Variants in LMAN1 observed in about 807,000 individuals in gnomAD.
LMAN1 encodes the protein lectin, mannose binding 1, also known as protein ERGIC-53.
A neutral mutation model predicts 67.8 loss-of-function variants in LMAN1; 32 were observed. The ratio of observed to expected loss-of-function variants is 0.47; its 90% CI spans 0.36 to 0.63. The LOEUF is 0.63. Among genes scored for constraint, LMAN1 ranks in the 30% least tolerant of loss-of-function variants. The probability of loss-of-function intolerance (pLI) is 0.00; values close to 1 mark genes in which losing one functional copy is unlikely to be tolerated. For synonymous variants in LMAN1, 235 were observed against 219.3 expected (o/e 1.07, Z -0.63); for missense variants, 632 against 628.2 (o/e 1.01, Z -0.06).
At chr18:59,345,289 A>G (rs1908374271) in intron 8 of LMAN1, among the ~76,000 whole-genome samples, 1 of 152,204 alleles carries the variant, frequency 6.6e-6, no homozygotes, top group Non-Finnish European at 1.5e-5. Context: ...AGCAGATAAT[A>G]TAAATTCCCT....
intron 6 of LMAN1, among the ~76,000 whole-genome samples, chr18:59,348,243 G>T (rs748226290): frequency 6.6e-6 from 1 of 152,176 alleles, no homozygotes. Context: ...AATATCAATC[G>T]TACAGCAATC....
intron 8 of LMAN1, among the ~76,000 whole-genome samples, chr18:59,342,351 A>T (rs1908307140): frequency 6.6e-6 from 1 of 152,058 alleles, no homozygotes; most frequent in African/African-American, 2.4e-5. Context: ...CCAAAACCAG[A>T]CAAGGACACA....
rs370100497 is a variant in LMAN1 at position 59,355,430 on chromosome 18, T to C, written c.370-10A>G. 32 of 1,613,868 alleles carry C rather than the reference T, an allele frequency of 2.0e-5. No homozygotes were observed. The highest frequency in any genetic ancestry group is 4.5e-5 in the East Asian group (2 of 44,896). ...CTGCATACCAAATTGCCTGAAAATA[T>C]GTAATAGGGAACAGTTAGAGGCTAG... On this transcript the variant is annotated splice_polypyrimidine_tract_variant and intron_variant, in intron 2 of 12. Coordinates refer to ENST00000251047, the MANE Select transcript of LMAN1 (RefSeq NM_005570.4).
At chr18:59,353,944 T>C (rs368273642) in intron 4 of LMAN1, among the ~76,000 whole-genome samples, 1 of 152,200 alleles carries the variant, frequency 6.6e-6, no homozygotes, top group Admixed American at 6.5e-5. Context: ...GCTTTGTAAA[T>C]AGTTGTTACA....
chr18:59,336,437 A>G (rs914902994), intron 10 of LMAN1, among the ~76,000 whole-genome samples: 1 of 152,220 alleles, frequency 6.6e-6, no homozygotes, highest in African/African-American at 2.4e-5. Context: ...AGCAAAATAA[A>G]TAAGGAGAGT....
rs369383446 is a variant in LMAN1, at chr18:59,355,475, C to T, written c.369+29G>A. On this transcript the variant is annotated intron_variant, in intron 2 of 12. Coordinates refer to ENST00000251047, the MANE Select transcript of LMAN1 (RefSeq NM_005570.4). The stretch of plus-strand genomic sequence containing the variant: ...GGCTAGTGGTATATGCATTTATGCA[C>T]ATTTTCTAAGTTAAAGAAATGATCA... The T allele has an allele frequency of 2.1e-5, 34 of 1,613,882 alleles. No individual in the cohort carries two copies. In the African/African-American group the frequency reaches 4.1e-4, roughly 20 times the overall value.
At chr18:59,346,282 G>A (rs537155938) in intron 7 of LMAN1, among the ~76,000 whole-genome samples, 3 of 134,044 alleles carry the variant, frequency 2.2e-5, no homozygotes, top group East Asian at 2.2e-4. Flanking sequence ...GTGCAGTAGC[G>A]TGATCTCGGC....
intron 8 of LMAN1, among the ~76,000 whole-genome samples, chr18:59,345,184 C>G (rs1407283525): frequency 1.3e-5 from 2 of 152,174 alleles, no homozygotes; most frequent in African/African-American, 4.8e-5. Context: ...ATTAAGAGAA[C>G]TGCATACTAC....
chr18:59,354,842 A>G (rs985067522), intron 3 of LMAN1, among the ~76,000 whole-genome samples: 1 of 152,230 alleles, frequency 6.6e-6, no homozygotes, highest in Non-Finnish European at 1.5e-5. Context: ...CCAATTTGTA[A>G]GTACATTTTG....
chr18:59,332,647 T>C lies in LMAN1; in HGVS notation c.1374+444A>G, dbSNP rs370101981. 9.8e-5 allele frequency among the ~76,000 whole-genome samples: 15 copies of C among 152,318 alleles called. 1 individual carries two copies. The highest frequency in any genetic ancestry group is 3.4e-4 in the African/African-American group (14 of 41,578). ...ATATGGGCCAACCATATCCCAAATATGTCTTATAGAAGACAACCAGCAGAG... is the reference window on the plus strand; with the variant it reads ...ATATGGGCCAACCATATCCCAAATACGTCTTATAGAAGACAACCAGCAGAG... On this transcript the variant is annotated intron_variant, in intron 11 of 12. Transcript: ENST00000251047.
At chr18:59,353,411 T>C (rs1418363483) in intron 4 of LMAN1, 110 bp from the exon 5 acceptor site, 5 of 818,516 alleles carry the variant, frequency 6.1e-6, no homozygotes, top group Non-Finnish European at 1.1e-5. Context: ...AGATACTTTA[T>C]GTTATTTACT....
chr18:59,356,092 T>G (rs1187778580), intron 1 of LMAN1, among the ~76,000 whole-genome samples: 2 of 152,220 alleles, frequency 1.3e-5, no homozygotes, highest in African/African-American at 2.4e-5. Context: ...CTGTGTGACT[T>G]TGAGCAAATA....
intron 11 of LMAN1, among the ~76,000 whole-genome samples, chr18:59,332,086 T>C (rs2070751129): frequency 6.6e-6 from 1 of 152,130 alleles, no homozygotes; most frequent in African/African-American, 2.4e-5. Context: ...CCTTCTATTA[T>C]AAGGAGGCAA....
chr18:59,342,856 A>T (rs1908317364), intron 8 of LMAN1, among the ~76,000 whole-genome samples: 1 of 152,084 alleles, frequency 6.6e-6, no homozygotes, highest in African/African-American at 2.4e-5. Flanking sequence ...ATGAGTAAGT[A>T]ACATTATCCC....
At chr18:59,337,139 A>G (rs982443946) in intron 10 of LMAN1, among the ~76,000 whole-genome samples, 14 of 149,230 alleles carry the variant, frequency 9.4e-5, no homozygotes, top group African/African-American at 3.2e-4. Flanking sequence ...CATCATCAGT[A>G]ATATCTTACC....
In LMAN1 at chr18:59,328,998, A is replaced by C. The variant is rs1207553342; in HGVS notation, c.*2095T>G. The stretch of plus-strand genomic sequence containing the variant: ...ACACTTGCTGGTGTGAGAGAAGTGA[A>C]CAAATTCAATTATACAAAATAGTAC... On this transcript the variant is annotated 3_prime_UTR_variant, in exon 13 of 13. Coordinates refer to ENST00000251047, the MANE Select transcript of LMAN1 (RefSeq NM_005570.4). 6.6e-6 allele frequency: 1 copy of C among 152,234 alleles called. No individual in the cohort carries two copies. Among genetic ancestry groups the C allele is most frequent in the Non-Finnish European group, 1.5e-5 (1 of 68,034 alleles). The allele number at this position is 152,234 out of a possible 1,614,324, so 9.4% of individuals were successfully genotyped here. A position where few individuals can be genotyped will look rare whatever the true frequency, so the allele number is the denominator to read the frequency against.
intron 10 of LMAN1, among the ~76,000 whole-genome samples, chr18:59,335,062 A>G (rs2144211017): frequency 6.6e-6 from 1 of 152,320 alleles, no homozygotes. Context: ...ATGTCCTAGT[A>G]CTACTGTTAA....
chr18:59,348,008 A>G (rs1306846495), intron 6 of LMAN1, among the ~76,000 whole-genome samples: 1 of 152,246 alleles, frequency 6.6e-6, no homozygotes, highest in Non-Finnish European at 1.5e-5. Context: ...CCGGGTACCT[A>G]TATGTCTCTG....
intron 8 of LMAN1, among the ~76,000 whole-genome samples, chr18:59,341,227 TA>T (rs1326683545): frequency 6.6e-6 from 1 of 151,910 alleles, no homozygotes; most frequent in Non-Finnish European, 1.5e-5. Context: ...TTACGAGACC[TA>T]AAGAAAGAGA....
Sources: gnomAD v4.1 joint callset for allele counts (sites outside exome capture counted in the v4.1 genomes callset) on GRCh38, gnomAD v4.1.1 for gene constraint, MANE v1.5 for transcripts, NCBI Gene and HGNC (gene_info 2026-07-23, HGNC 2026-07-21) for gene names.